CACNB2: variants seen among roughly 807,000 people sequenced by gnomAD.
CACNB2 encodes voltage-dependent L-type calcium channel subunit beta-2.
CACNB2 carries 42 observed loss-of-function variants against 73.3 expected under a neutral mutation model. That is an observed-to-expected ratio of 0.57 (90% CI 0.45 to 0.74). The LOEUF is 0.74. Among genes scored for constraint, CACNB2 ranks in the 30% least tolerant of loss-of-function variants. The pLI is 0.00. For synonymous variants in CACNB2, 348 were observed against 310.3 expected, an observed-to-expected ratio of 1.12 and a Z score of -1.28; for missense variants, 940 against 853.0, an observed-to-expected ratio of 1.10 and a Z score of -1.27.
chr10:18,513,687 TAA>T (rs1193841928), intron 6 of CACNB2: 1 of 199,184 alleles, frequency 5.0e-6, no homozygotes, highest in East Asian at 1.3e-4. Context: ...CAGCAAGTAA[TAA>T]GTCATTAGCA....
intron 2 of CACNB2, among the ~76,000 whole-genome samples, chr10:18,263,536 TGATA>T (rs1309370993): frequency 3.3e-5 from 5 of 152,236 alleles, no homozygotes; most frequent in African/African-American, 1.2e-4. Flanking sequence ...ATAAATCAAT[TGATA>T]AATATGCACC....
At chr10:18,162,395 C>T (rs987786866) in intron 2 of CACNB2, among the ~76,000 whole-genome samples, 1 of 152,006 alleles carries the variant, frequency 6.6e-6, no homozygotes, top group Non-Finnish European at 1.5e-5. Flanking sequence ...AAAAAAAAAT[C>T]GAGGATCTGA....
At chr10:18,499,730 A>G (rs2050083729) in intron 4 of CACNB2, among the ~76,000 whole-genome samples, 1 of 104,094 alleles carries the variant, frequency 9.6e-6, no homozygotes, top group Non-Finnish European at 2.2e-5. Context: ...GCTTCCAAGC[A>G]TTTTGGAAGG....
chr10:18,151,267 G>T, intron 2 of CACNB2: 1 of 321,218 alleles, frequency 3.1e-6, no homozygotes, highest in Admixed American at 4.6e-5. Context: ...TGGATTTGGG[G>T]GGATTGTTTT....
chr10:18,140,905 GGCA>G, intron 1 of CACNB2, 49 bp downstream of exon 1: 1 of 1,559,116 alleles, frequency 6.4e-7, no homozygotes, highest in Non-Finnish European at 8.7e-7. Context: ...CGCCGGGCAG[GGCA>G]CCGACCTCGG....
intron 2 of CACNB2, among the ~76,000 whole-genome samples, chr10:18,210,972 C>T (rs1437922648): frequency 2.6e-5 from 4 of 152,156 alleles, no homozygotes; most frequent in Non-Finnish European, 4.4e-5. Flanking sequence ...CCTGCTTCCT[C>T]GTGTATACAT....
At chr10:18,464,903 GA>G (rs2047791975) in intron 3 of CACNB2, among the ~76,000 whole-genome samples, 1 of 152,240 alleles carries the variant, frequency 6.6e-6, no homozygotes, top group African/African-American at 2.4e-5. Flanking sequence ...CAAGAGGAAG[GA>G]GTCCAGGTTA....
intron 2 of CACNB2, chr10:18,340,646 C>T (rs1285077760): frequency 7.6e-7 from 1 of 1,315,650 alleles, no homozygotes; most frequent in African/African-American, 1.5e-5. Flanking sequence ...TGACGTAATT[C>T]AGAGGAGAAT....
chr10:18,427,323 A>G (rs982501223), intron 3 of CACNB2, among the ~76,000 whole-genome samples: 1 of 152,084 alleles, frequency 6.6e-6, no homozygotes. Context: ...CAACATTTTC[A>G]TGATGTTTTT....
intron 2 of CACNB2, among the ~76,000 whole-genome samples, chr10:18,301,138 C>G (rs970540816): frequency 3.9e-5 from 6 of 152,124 alleles, no homozygotes; most frequent in Non-Finnish European, 4.4e-5. Context: ...TTCCTGGCAC[C>G]ACAGAAGTTT....
At chr10:18,289,729 C>T (rs1007739318) in intron 2 of CACNB2, among the ~76,000 whole-genome samples, 1 of 151,830 alleles carries the variant, frequency 6.6e-6, no homozygotes, top group African/African-American at 2.4e-5. Context: ...TGGCTTAAGC[C>T]CCTGCTGATA....
intron 2 of CACNB2, among the ~76,000 whole-genome samples, chr10:18,238,737 A>G (rs986615861): frequency 6.6e-6 from 1 of 152,246 alleles, no homozygotes; most frequent in Non-Finnish European, 1.5e-5. Context: ...TTCAGATAAT[A>G]GTAATTATAA....
chr10:18,244,914 A>G (rs940712506), intron 2 of CACNB2, among the ~76,000 whole-genome samples: 7 of 152,186 alleles, frequency 4.6e-5, no homozygotes, highest in African/African-American at 1.7e-4. Context: ...GGAAAGTTGG[A>G]GTCAGAGAGG....
rs762982462 is a variant in CACNB2 at position 18,464,418 on chromosome 10, T to TAAAAAAAAAAAAAAAAAAAAA, written c.334-33935_334-33915dup. On this transcript the variant is annotated intron_variant, in intron 3 of 13. Transcript: ENST00000324631. ...CAGAGTGAGACCCTGTCTCAAAAAT[T>TAAAAAAAAAAAAAAAAAAAAA]AAAAAAAAAAAAAAAAAAAAAAGAA... Among the ~76,000 whole-genome samples the TAAAAAAAAAAAAAAAAAAAAA allele has an allele frequency of 1.1e-3, 95 of 85,264 alleles. 1 individual carries two copies. In the East Asian group the frequency reaches 0.012, roughly 11 times the overall value. 55.9% of individuals were successfully genotyped at this position (85,264 alleles called of 152,430 possible).
intron 2 of CACNB2, among the ~76,000 whole-genome samples, chr10:18,306,244 G>A (rs922593954): frequency 9.9e-5 from 15 of 152,170 alleles, no homozygotes; most frequent in Non-Finnish European, 1.8e-4. Flanking sequence ...CTTCTAGAAG[G>A]AGGAAGTATG....
chr10:18,473,178 G>A (rs1265958033), intron 3 of CACNB2, among the ~76,000 whole-genome samples: 2 of 152,174 alleles, frequency 1.3e-5, no homozygotes, highest in Non-Finnish European at 2.9e-5. Context: ...GCAATTCTGT[G>A]AAATACTTTT....
intron 3 of CACNB2, among the ~76,000 whole-genome samples, chr10:18,469,711 TAAACTAA>T (rs1386935937): frequency 6.6e-6 from 1 of 152,196 alleles, no homozygotes; most frequent in Non-Finnish European, 1.5e-5. Context: ...TTACTGATAA[TAAACTAA>T]GTTCAACAGT....
chr10:18,476,122 G>A (rs2048427459), intron 3 of CACNB2, among the ~76,000 whole-genome samples: 1 of 152,128 alleles, frequency 6.6e-6, no homozygotes, highest in African/African-American at 2.4e-5. Context: ...GGAAAGGTGT[G>A]GGCAGTTCCT....
intron 2 of CACNB2, among the ~76,000 whole-genome samples, chr10:18,196,371 C>T (rs2131291039): frequency 6.7e-6 from 1 of 148,754 alleles, no homozygotes; most frequent in South Asian, 2.1e-4. Flanking sequence ...TGGCTCATTG[C>T]AGCAGCCTGG....
Sources: gnomAD v4.1 joint callset for allele counts (sites outside exome capture counted in the v4.1 genomes callset) on GRCh38, gnomAD v4.1.1 for gene constraint, MANE v1.5 for transcripts, NCBI Gene and HGNC (gene_info 2026-07-23, HGNC 2026-07-21) for gene names.